PTGS2: variants seen among roughly 807,000 people sequenced by gnomAD.
PTGS2 encodes the protein prostaglandin G/H synthase 2.
Under a neutral mutation model 63.8 loss-of-function variants are expected in PTGS2, and 14 were observed. The observed-to-expected ratio is 0.22, with a 90% CI of 0.14 to 0.34. The LOEUF (loss-of-function observed/expected upper bound fraction) is 0.34. Among genes scored for constraint, PTGS2 ranks in the 10% least tolerant of loss-of-function variants. PTGS2 has a pLI of 1.00. For synonymous variants in PTGS2, 271 were observed against 259.5 expected (o/e 1.04, Z -0.43); for missense variants, 533 against 738.5 (o/e 0.72, Z 3.23).
At position 186,674,917 on chromosome 1, in the gene PTGS2, G is replaced by T. The variant is rs373450668; in HGVS notation, c.1406-155C>A. Among the ~76,000 whole-genome samples the T allele has an allele frequency of 2.0e-5, 3 of 152,228 alleles. No homozygotes were observed. The East Asian group carries it at 5.8e-4, about 29-fold the overall frequency. On this transcript the variant is annotated intron_variant, in intron 9 of 9. Transcript: ENST00000367468. ...TTAGGGGCCAGGCGCGGTGGCTCAC[G>T]CCTGTAATCCCAGCACTTCGGGAGG...
rs1018808713 is a variant in PTGS2, at chr1:186,672,161, A to G, written c.*2192T>C. 2 of 152,090 alleles carry G rather than the reference A, an allele frequency of 1.3e-5. No homozygotes were observed. The highest frequency in any genetic ancestry group is 4.8e-5 in the African/African-American group (2 of 41,444). The allele number at this position is 152,090 out of a possible 1,614,324, so 9.4% of individuals were successfully genotyped here. A position where few individuals can be genotyped will look rare whatever the true frequency, so the allele number is the denominator to read the frequency against. On this transcript the variant is annotated 3_prime_UTR_variant, in exon 10 of 10. Coordinates refer to ENST00000367468, the MANE Select transcript of PTGS2 (RefSeq NM_000963.4). ...AAGAAAATTTTTTTCAATTATTTAT[A>G]TAAATACTATTATCTGTAATCAGCG... is the stretch of plus-strand genomic sequence containing the variant.
chr1:186,679,454 A>G lies in PTGS2; in HGVS notation c.53-16T>C, dbSNP rs762662573. On this transcript the variant is annotated splice_polypyrimidine_tract_variant and intron_variant, in intron 1 of 9. Transcript: ENST00000367468. ...CAAGGATTTGCTGCAATTAAAGGAC[A>G]GCAAATAAATCATTCTCTAGTGTCT... 1.2e-5 allele frequency: 19 copies of G among 1,560,940 alleles called. No individual in the cohort carries two copies. Among genetic ancestry groups the G allele is most frequent in the Non-Finnish European group, 1.7e-5 (19 of 1,132,256 alleles).
rs751948234 is a variant in PTGS2, at chr1:186,680,356, C to G, written c.-66G>C. On this transcript the variant is annotated 5_prime_UTR_variant, in exon 1 of 10. Coordinates refer to ENST00000367468, the MANE Select transcript of PTGS2 (RefSeq NM_000963.4). ...TGTCTGAGGGCGTCTGGCTGTGGAG[C>G]TGAAGGAGGCGCTGCTGAGGAGTTC... 2.4e-6 allele frequency: 3 copies of G among 1,265,654 alleles called. No homozygotes were observed. Among genetic ancestry groups the G allele is most frequent in the Admixed American group, 2.4e-5 (1 of 41,106 alleles). 78.4% of individuals were successfully genotyped at this position (1,265,654 alleles called of 1,614,324 possible). A position where few individuals can be genotyped will look rare whatever the true frequency, so the allele number is the denominator to read the frequency against.
intron 3 of PTGS2, 141 bp from the exon 4 acceptor site, chr1:186,678,545 T>C (rs778306736): frequency 6.7e-6 from 5 of 743,548 alleles, no homozygotes; most frequent in Non-Finnish European, 1.0e-5. Flanking sequence ...TTTAAACAAC[T>C]ACACTTTATA....
In PTGS2 at chr1:186,676,191, G is replaced by A; in HGVS notation, c.971-7C>T. On this transcript the variant is annotated splice_region_variant and splice_polypyrimidine_tract_variant and intron_variant, in intron 7 of 9. Transcript: ENST00000367468. The stretch of plus-strand genomic sequence containing the variant: ...ACAATCTTAATAGTCTCTCCTATTT[G>A]CACAAAATAAATAATAAAAACATTT... The A allele has an allele frequency of 6.3e-7, 1 of 1,580,344 alleles. No individual in the cohort carries two copies. The highest frequency in any genetic ancestry group is 8.6e-7 in the Non-Finnish European group (1 of 1,161,338).
At chr1:186,678,091 T>C (rs993775406) in intron 4 of PTGS2, among the ~76,000 whole-genome samples, 170 bp downstream of exon 4, 6 of 152,224 alleles carry the variant, frequency 3.9e-5, no homozygotes, top group Admixed American at 3.9e-4. Flanking sequence ...TGCTTTTACA[T>C]AATAGTTTAT....
Position 186,679,435 on chromosome 1 carries a change from T to A in PTGS2, c.56A>T (p.Asn19Ile). Reference sequence around the variant, plus strand: ...TTGACATGGGTGGGAACAGCAAGGATTTGCTGCAATTAAAGGACAGCAAAT... The same window carrying A: ...TTGACATGGGTGGGAACAGCAAGGAATTGCTGCAATTAAAGGACAGCAAAT... ...CAVLALSHTA[N>I]PCCSHPCQNR... The change falls in exon 2 of 10, where the codon AAT (asparagine) becomes ATT (isoleucine). Residue 19 changes from asparagine (N) to isoleucine (I), a missense_variant. Physicochemically the swap from Asn to Ile is moderately radical, Grantham distance 149 (BLOSUM62 -3). Transcript: ENST00000367468. 1.2e-6 allele frequency: 2 copies of A among 1,608,742 alleles called. No individual in the cohort carries two copies. The highest frequency in any genetic ancestry group is 1.1e-5 in the South Asian group (1 of 90,934).
At chr1:186,678,179 A>G in intron 4 of PTGS2, 82 bp downstream of exon 4, 2 of 1,355,052 alleles carry the variant, frequency 1.5e-6, no homozygotes, top group Non-Finnish European at 2.0e-6. Flanking sequence ...AATAAATGGT[A>G]GTCTAAGGTC....
At position 186,679,141 on chromosome 1, in the gene PTGS2, A is replaced by G. The variant is rs1424440707; in HGVS notation, c.230T>C (p.Ile77Thr). 3.1e-6 allele frequency: 5 copies of G among 1,614,016 alleles called. No homozygotes were observed. The highest frequency in any genetic ancestry group is 4.2e-6 in the Non-Finnish European group (5 of 1,180,008). Residue 77 changes from isoleucine to threonine, a missense_variant, in exon 3 of 10, where the codon ATA (isoleucine) becomes ACA (threonine). Physicochemically the swap from Ile to Thr is moderately conservative, Grantham distance 89. Transcript: ENST00000367468. The part of the protein sequence containing the change: ...LKPTPNTVHY[I>T]LTHFKGFWNV... ...CCAAAATCCCTTGAAGTGGGTAAGT[A>G]TGTAGTGCACTGTGTTTGGAGTGGG...
At position 186,676,948 on chromosome 1, in the gene PTGS2, G is replaced by A. The variant is rs747683707; in HGVS notation, c.640-32C>T. ...AATGATGAAAAAATTTTAATTTGTT[G>A]CTGTTGAAGTTTTTCTTATATAAAG... On this transcript the variant is annotated intron_variant, in intron 5 of 9. Coordinates refer to ENST00000367468, the MANE Select transcript of PTGS2 (RefSeq NM_000963.4). 2.6e-6 allele frequency: 4 copies of A among 1,537,020 alleles called. No homozygotes were observed. In the Admixed American group the frequency reaches 5.3e-5, roughly 20 times the overall value.
rs201493026 is a variant in PTGS2 at position 186,677,730 on chromosome 1, G to T, written c.558C>A (p.Phe186Leu). 6.2e-7 allele frequency: 1 copy of T among 1,614,052 alleles called. No individual in the cohort carries two copies. Among genetic ancestry groups the T allele is most frequent in the Non-Finnish European group, 8.5e-7 (1 of 1,179,984 alleles). The change falls in exon 5 of 10, where the codon TTC (phenylalanine) becomes TTA (leucine). Residue 186 changes from phenylalanine to leucine, a missense_variant. By Grantham distance (22) the Phe-to-Leu change is conservative. Transcript: ENST00000367468. Reference protein sequence around the residue: ...DPQGSNMMFAFFAQHFTHQFF... With the variant: ...DPQGSNMMFALFAQHFTHQFF... ...ACTGATGCGTGAAGTGCTGGGCAAA[G>T]AATGCAAACATCATGTTTGAGCCCT...
Position 186,678,421 on chromosome 1 carries a change from A to G in PTGS2, c.314-17T>C. ...GTGATCTGGCTGAAATTTTCAAAGA[A>G]AAAAATGTTTTATTTATTCTCATTT... On this transcript the variant is annotated splice_polypyrimidine_tract_variant and intron_variant, in intron 3 of 9. Coordinates refer to ENST00000367468, the MANE Select transcript of PTGS2 (RefSeq NM_000963.4). 1 of 1,574,954 alleles carries G rather than the reference A, an allele frequency of 6.3e-7. No homozygotes were observed. The highest frequency in any genetic ancestry group is 1.2e-5 in the South Asian group (1 of 84,240).
intron 6 of PTGS2, 22 bp downstream of exon 6, chr1:186,676,811 T>G: frequency 6.2e-7 from 1 of 1,607,866 alleles, no homozygotes; most frequent in Non-Finnish European, 8.5e-7. Context: ...TAACTAAGTC[T>G]TAATAGTCAA....
intron 8 of PTGS2, 103 bp from the exon 9 acceptor site, chr1:186,675,499 C>G (rs771748860): frequency 7.6e-7 from 1 of 1,323,846 alleles, no homozygotes; most frequent in East Asian, 2.4e-5. Context: ...AAACTCCCAG[C>G]GGAGACAATT....
Position 186,673,871 on chromosome 1 carries a change from TA to T in PTGS2, c.*481del, listed in dbSNP as rs1665733454. 1 of 152,308 alleles carries T rather than the reference TA, an allele frequency of 6.6e-6. No individual in the cohort carries two copies. Among genetic ancestry groups the T allele is most frequent in the Non-Finnish European group, 1.5e-5 (1 of 68,042 alleles). 9.4% of individuals were successfully genotyped at this position (152,308 alleles called of 1,614,324 possible). A position where few individuals can be genotyped will look rare whatever the true frequency, so the allele number is the denominator to read the frequency against. Reference sequence around the variant, plus strand: ...ATGAAATTACTGGTAATGTCTAATTTAAATATTCATTTAATAATGCACTGAT... The same window carrying T: ...ATGAAATTACTGGTAATGTCTAATTTAATATTCATTTAATAATGCACTGAT... On this transcript the variant is annotated 3_prime_UTR_variant, in exon 10 of 10. Coordinates refer to ENST00000367468, the MANE Select transcript of PTGS2 (RefSeq NM_000963.4).
rs763487671 is a variant in PTGS2 at position 186,674,692 on chromosome 1, G to T, written c.1476C>A (p.Ala492=). The part of the protein sequence containing the change: ...GDIDAVELYP[A]LLVEKPRPDA... The stretch of plus-strand genomic sequence containing the variant: ...CTGGCCGAGGCTTTTCTACCAGAAG[G>T]GCAGGATACAGCTCCACAGCATCGA... The change falls in exon 10 of 10, where the codon GCC becomes GCA. Residue 492 remains alanine, a synonymous_variant. Transcript: ENST00000367468. 3 of 1,614,186 alleles carry T rather than the reference G, an allele frequency of 1.9e-6. No homozygotes were observed. Among genetic ancestry groups the T allele is most frequent in the South Asian group, 1.1e-5 (1 of 91,088 alleles).
rs150239498 is a variant in PTGS2 at position 186,673,257 on chromosome 1, T to A, written c.*1096A>T. ...ACTTTTGCAATGTGATATGGACTGCTAAATTAAACTGTACAACAGAAAATC... is the reference window on the plus strand; with the variant it reads ...ACTTTTGCAATGTGATATGGACTGCAAAATTAAACTGTACAACAGAAAATC... On this transcript the variant is annotated 3_prime_UTR_variant, in exon 10 of 10. Coordinates refer to ENST00000367468, the MANE Select transcript of PTGS2 (RefSeq NM_000963.4). 2 of 152,314 alleles carry A rather than the reference T, an allele frequency of 1.3e-5. No homozygotes were observed. The highest frequency in any genetic ancestry group is 3.9e-4 in the East Asian group (2 of 5,192). 9.4% of individuals were successfully genotyped at this position (152,314 alleles called of 1,614,324 possible).
chr1:186,676,407 A>G lies in PTGS2; in HGVS notation c.970+60T>C. On this transcript the variant is annotated intron_variant, in intron 7 of 9. Transcript: ENST00000367468. ...TTGTCATTTACTCAAAACATAACAA[A>G]GATAGCACACTAATTTTCCCTGGGG... 1.9e-6 allele frequency: 3 copies of G among 1,581,578 alleles called. No homozygotes were observed. The South Asian group carries it at 3.5e-5, about 18-fold the overall frequency.
At chr1:186,677,128 T>G (rs1411138035) in intron 5 of PTGS2, among the ~76,000 whole-genome samples, 2 of 152,126 alleles carry the variant, frequency 1.3e-5, no homozygotes, top group Non-Finnish European at 2.9e-5. Flanking sequence ...TTAACGGAAT[T>G]AATATACTAT....
Sources: gnomAD v4.1 joint callset for allele counts (sites outside exome capture counted in the v4.1 genomes callset) on GRCh38, gnomAD v4.1.1 for gene constraint, MANE v1.5 for transcripts, NCBI Gene and HGNC (gene_info 2026-07-23, HGNC 2026-07-21) for gene names.